Variants in NREP observed in about 807,000 individuals in gnomAD.
The protein encoded by NREP is neuronal regeneration related protein.
In NREP, 5 loss-of-function variants were observed where a neutral mutation model predicts 8.6. The observed-to-expected ratio is 0.58, with a 90% CI of 0.30 to 1.22. The LOEUF is 1.22. Among genes scored for constraint, NREP ranks in the 50% most tolerant of loss-of-function variants. NREP has a pLI of 0.07. For missense variants in NREP, 86 were observed against 82.5 expected (o/e 1.04, Z -0.17); for synonymous variants, 27 against 28.0 (o/e 0.96, Z 0.11).
rs1581033481 is a variant in NREP at position 111,735,515 on chromosome 5, G to C, written c.4-8C>G. ...GAGTTCTGGGTAATAAACCTATAGAGACACAAAAGCATACACATTCAGATT... is the reference window on the plus strand; with the variant it reads ...GAGTTCTGGGTAATAAACCTATAGACACACAAAAGCATACACATTCAGATT... On this transcript the variant is annotated splice_region_variant and splice_polypyrimidine_tract_variant and intron_variant, in intron 2 of 3. Coordinates refer to ENST00000257435, the MANE Select transcript of NREP (RefSeq NM_004772.4). 6.2e-7 allele frequency: 1 copy of C among 1,601,670 alleles called. No individual in the cohort carries two copies. Among genetic ancestry groups the C allele is most frequent in the Non-Finnish European group, 8.5e-7 (1 of 1,169,738 alleles).
At chr5:111,903,659 A>T (rs902712255) in intron 2 of NREP, among the ~76,000 whole-genome samples, 7 of 152,100 alleles carry the variant, frequency 4.6e-5, no homozygotes, top group Non-Finnish European at 8.8e-5. Context: ...ATTGTTCCAG[A>T]GACACTGAGT....
intron 2 of NREP, among the ~76,000 whole-genome samples, chr5:111,943,868 C>T (rs372781511): frequency 5.9e-5 from 9 of 152,228 alleles, no homozygotes; most frequent in East Asian, 5.8e-4. Flanking sequence ...GCTGCATATA[C>T]TCTGTTCAGC....
intron 2 of NREP, among the ~76,000 whole-genome samples, chr5:111,813,131 C>G (rs571823261): frequency 6.6e-6 from 1 of 152,078 alleles, no homozygotes; most frequent in African/African-American, 2.4e-5. Flanking sequence ...CCTTATCAAG[C>G]CCATTTTATA....
intron 2 of NREP, among the ~76,000 whole-genome samples, chr5:111,864,623 TA>T (rs980038440): frequency 1.9e-4 from 29 of 150,736 alleles, no homozygotes; most frequent in Non-Finnish European, 8.9e-5. Context: ...GTAGTGATAA[TA>T]AAAAAAAAGT....
At chr5:111,841,910 T>G (rs777412233) in intron 2 of NREP, among the ~76,000 whole-genome samples, 7 of 152,136 alleles carry the variant, frequency 4.6e-5, no homozygotes, top group Non-Finnish European at 8.8e-5. Context: ...CCAAGATGCA[T>G]TTGGTGACAA....
At chr5:111,883,555 T>C (rs1277631793) in intron 2 of NREP, among the ~76,000 whole-genome samples, 30 of 152,280 alleles carry the variant, frequency 2.0e-4, no homozygotes, top group Non-Finnish European at 2.8e-4. Context: ...TATTCCAAAA[T>C]TGACCACATA....
intron 2 of NREP, among the ~76,000 whole-genome samples, chr5:111,941,938 C>T (rs1403167862): frequency 2.0e-5 from 3 of 151,970 alleles, no homozygotes; most frequent in Non-Finnish European, 2.9e-5. Context: ...TACTTCTTAG[C>T]CTGCATTTTT....
At chr5:111,874,439 GT>G (rs1753858816) in intron 2 of NREP, among the ~76,000 whole-genome samples, 2 of 152,154 alleles carry the variant, frequency 1.3e-5, no homozygotes, top group Admixed American at 1.3e-4. Context: ...TAAGAAGATA[GT>G]TTTCCACTAG....
At chr5:111,815,877 C>T (rs909832801) in intron 2 of NREP, among the ~76,000 whole-genome samples, 2 of 152,104 alleles carry the variant, frequency 1.3e-5, no homozygotes, top group African/African-American at 4.8e-5. Context: ...CAAGACACCA[C>T]ACGTAAGATA....
intron 2 of NREP, among the ~76,000 whole-genome samples, chr5:111,745,008 C>A (rs1318601877): frequency 6.6e-6 from 1 of 152,068 alleles, no homozygotes; most frequent in Non-Finnish European, 1.5e-5. Context: ...TTGGAACCCA[C>A]AGAGACAGAG....
At chr5:111,964,135 C>A (rs1756560720) in intron 2 of NREP, among the ~76,000 whole-genome samples, 1 of 152,132 alleles carries the variant, frequency 6.6e-6, no homozygotes, top group African/African-American at 2.4e-5. Context: ...TAGCCGTTCC[C>A]TTGCTTAATA....
intron 2 of NREP, among the ~76,000 whole-genome samples, chr5:111,869,672 G>A (rs1018545645): frequency 6.6e-6 from 1 of 152,298 alleles, no homozygotes; most frequent in South Asian, 2.1e-4. Context: ...GGATTCTCCT[G>A]AGGAGAAGCA....
At chr5:111,850,757 G>A (rs930477705) in intron 2 of NREP, among the ~76,000 whole-genome samples, 3 of 152,008 alleles carry the variant, frequency 2.0e-5, no homozygotes, top group Non-Finnish European at 2.9e-5. Flanking sequence ...GACCAATTTC[G>A]TAAAACACCA....
At chr5:111,818,408 T>C (rs1752442198) in intron 2 of NREP, among the ~76,000 whole-genome samples, 1 of 152,226 alleles carries the variant, frequency 6.6e-6, no homozygotes, top group Admixed American at 6.5e-5. Context: ...AATGAAGTCC[T>C]TGATTATGTA....
In NREP at chr5:111,730,761, A is replaced by T; in HGVS notation, c.*160T>A. On this transcript the variant is annotated 3_prime_UTR_variant, in exon 4 of 4. Transcript: ENST00000257435. The stretch of plus-strand genomic sequence containing the variant: ...GTCAGAATGATTAAAAACTGGTTTG[A>T]TGACACCTATTTGTCCACTGTAAAT... 1.3e-6 allele frequency: 1 copy of T among 771,740 alleles called. No homozygotes were observed. The allele number at this position is 771,740 out of a possible 1,614,324, so 47.8% of individuals were successfully genotyped here.
intron 2 of NREP, among the ~76,000 whole-genome samples, chr5:111,780,592 T>C (rs1431212375): frequency 1.3e-5 from 2 of 152,184 alleles, no homozygotes; most frequent in African/African-American, 4.8e-5. Flanking sequence ...GGGAGTGTAT[T>C]TCATTGTGTA....
chr5:111,800,220 A>G (rs1751973217), intron 2 of NREP, among the ~76,000 whole-genome samples: 2 of 152,086 alleles, frequency 1.3e-5, no homozygotes, highest in African/African-American at 4.8e-5. Context: ...GGGCCACCAC[A>G]CACGGTTTGA....
intron 2 of NREP, among the ~76,000 whole-genome samples, chr5:111,782,862 G>T (rs1426005667): frequency 6.6e-6 from 1 of 151,792 alleles, no homozygotes; most frequent in African/African-American, 2.4e-5. Context: ...AGTCTCCCGA[G>T]TAGCTGTGAT....
At chr5:111,894,801 A>G (rs1434328575) in intron 2 of NREP, among the ~76,000 whole-genome samples, 2 of 152,230 alleles carry the variant, frequency 1.3e-5, no homozygotes, top group African/African-American at 4.8e-5. Context: ...CTCGGGTAAT[A>G]TCAAGACCAG....
Sources: allele counts gnomAD v4.1 joint callset (sites outside exome capture counted in the v4.1 genomes callset), GRCh38; gene constraint gnomAD v4.1.1; transcripts MANE v1.5; gene names NCBI Gene and HGNC (gene_info 2026-07-23, HGNC 2026-07-21).